SS18L1: variants seen among roughly 807,000 people sequenced by gnomAD.
The protein encoded by SS18L1 is calcium-responsive transactivator.
In SS18L1, 32 loss-of-function variants were observed where a neutral mutation model predicts 70.3. The observed-to-expected ratio is 0.46, with a 90% CI of 0.34 to 0.61. SS18L1 has a LOEUF of 0.61. SS18L1 is among the 20% of genes least tolerant of loss of function. SS18L1 has a pLI of 0.01. For synonymous variants in SS18L1, 237 were observed against 229.7 expected (o/e 1.03, Z -0.29); for missense variants, 430 against 542.1 (o/e 0.79, Z 2.05).
chr20:62,171,330 G>A (rs6062108), intron 8 of SS18L1, among the ~76,000 whole-genome samples: 26,071 of 152,134 alleles, frequency 0.17, 2,416 homozygotes, highest in South Asian at 0.27. Context: ...TTTCATGGGG[G>A]CAGGAGAAAG....
chr20:62,171,222 T>C (rs1221742379), intron 8 of SS18L1, among the ~76,000 whole-genome samples: 2 of 152,132 alleles, frequency 1.3e-5, no homozygotes, highest in African/African-American at 4.8e-5. Context: ...TCCTTTATTA[T>C]GTAAAGAATA....
In SS18L1 at chr20:62,161,156, C is replaced by G. The variant is rs374902063; in HGVS notation, c.232-280C>G. Among the ~76,000 whole-genome samples, 34 of 151,474 alleles carry G rather than the reference C, an allele frequency of 2.2e-4. 1 individual carries two copies. The East Asian group carries it at 5.4e-3, about 24-fold the overall frequency. On this transcript the variant is annotated intron_variant, in intron 3 of 10. Transcript: ENST00000331758. This position sits in a 1 kb window ranked among gnomAD's most constrained non-coding sequence, Gnocchi z 4.4. ...CCGGGAAAGGGGTTCCCTGCTGTCCCAGGAGGAGGTCCAGCTTTTCACACC... is the reference window on the plus strand; with the variant it reads ...CCGGGAAAGGGGTTCCCTGCTGTCCGAGGAGGAGGTCCAGCTTTTCACACC...
At chr20:62,164,848 C>T (rs536294310) in intron 7 of SS18L1, among the ~76,000 whole-genome samples, 16 of 152,272 alleles carry the variant, frequency 1.1e-4, no homozygotes, top group Non-Finnish European at 2.1e-4. Flanking sequence ...GAGCCATGAT[C>T]GCACCACCAC....
chr20:62,160,493 T>G (rs1347929423), intron 3 of SS18L1, among the ~76,000 whole-genome samples: 1 of 152,044 alleles, frequency 6.6e-6, no homozygotes, highest in African/African-American at 2.4e-5. Flanking sequence ...CTGCTGTGGG[T>G]GAGAACGGAA....
At position 62,174,550 on chromosome 20, in the gene SS18L1, G is replaced by C; in HGVS notation, c.1070G>C (p.Gly357Ala). The C allele has an allele frequency of 6.2e-7, 1 of 1,614,056 alleles. No homozygotes were observed. Among genetic ancestry groups the C allele is most frequent in the Non-Finnish European group, 8.5e-7 (1 of 1,180,040 alleles). ...SAQGAPSQYP[G>A]YQQGQGQQYG... is the part of the protein sequence containing the mutation. ...CAGGGAGCCCCGTCACAGTACCCCG[G>C]CTACCAGCAAGGCCAAGGCCAGCAG... The change falls in exon 10 of 11, where the codon GGC becomes GCC. Residue 357 changes from glycine (G) to alanine (A), a missense_variant. By Grantham distance (60) the Gly-to-Ala change is moderately conservative. Coordinates refer to ENST00000331758, the MANE Select transcript of SS18L1 (RefSeq NM_198935.3). The surrounding 1 kb of genome is among the most constrained non-coding windows in gnomAD (Gnocchi z 4.1).
Position 62,162,801 on chromosome 20 carries a change from C to T in SS18L1, c.426C>T (p.Thr142=), listed in dbSNP as rs748535141. ...AGACGGCGCCTAACACGCTGCCCAC[C>T]ACCTCCATGAGCATCTCTGGGCCCG... is the stretch of plus-strand genomic sequence containing the variant. The part of the protein sequence containing the change: ...MQQTAPNTLP[T]TSMSISGPGY... The change falls in exon 5 of 11, where the codon ACC becomes ACT. Residue 142 remains threonine (T), a synonymous_variant. Transcript: ENST00000331758. 12 of 1,612,784 alleles carry T rather than the reference C, an allele frequency of 7.4e-6. No homozygotes were observed. The highest frequency in any genetic ancestry group is 1.0e-5 in the Non-Finnish European group (12 of 1,179,936).
intron 8 of SS18L1, among the ~76,000 whole-genome samples, chr20:62,169,280 A>G (rs972353254): frequency 6.6e-6 from 1 of 152,198 alleles, no homozygotes; most frequent in Non-Finnish European, 1.5e-5. Context: ...GTGCCCTTGC[A>G]CACACGCACA....
At chr20:62,165,598 G>A (rs2057415069) in intron 8 of SS18L1, 84 bp downstream of exon 8, 11 of 1,305,270 alleles carry the variant, frequency 8.4e-6, no homozygotes, top group Non-Finnish European at 1.1e-5. Context: ...GGAGCACGCG[G>A]TGCCTGCCTT....
intron 5 of SS18L1, 22 bp from the exon 6 acceptor site, chr20:62,163,436 G>A (rs544736437): frequency 4.3e-6 from 7 of 1,611,436 alleles, no homozygotes; most frequent in East Asian, 2.2e-5. Context: ...GGGTGATGTG[G>A]GGCCTCTGTC....
chr20:62,178,703 C>T (rs1188829858), intron 10 of SS18L1, among the ~76,000 whole-genome samples: 2 of 152,246 alleles, frequency 1.3e-5, no homozygotes, highest in African/African-American at 4.8e-5. Context: ...CACGCCACCA[C>T]ACCCAGCTAA....
intron 5 of SS18L1, among the ~76,000 whole-genome samples, chr20:62,163,134 T>A (rs2057362416): frequency 6.6e-6 from 1 of 152,084 alleles, no homozygotes; most frequent in South Asian, 2.1e-4. Context: ...ACTCCTCCTG[T>A]CCCCCAGCTT....
chr20:62,160,111 C>T (rs912520067), intron 3 of SS18L1, 150 bp downstream of exon 3: 50 of 781,028 alleles, frequency 6.4e-5, no homozygotes, highest in Non-Finnish European at 9.4e-5. Context: ...GGAGTGTGGG[C>T]GGTGGTGACC....
chr20:62,176,451 T>C (rs2057621501), intron 10 of SS18L1, among the ~76,000 whole-genome samples: 1 of 152,152 alleles, frequency 6.6e-6, no homozygotes, highest in South Asian at 2.1e-4. Context: ...AGGTCGAGGC[T>C]GTAGTGAGTC....
chr20:62,149,241 GGGCCTGGGA>G (rs1394584424), intron 1 of SS18L1, among the ~76,000 whole-genome samples: 2 of 152,250 alleles, frequency 1.3e-5, no homozygotes, highest in East Asian at 1.9e-4. Context: ...AAGGCCTGTG[GGGCCTGGGA>G]GGCCTGGGAA....
intron 10 of SS18L1, among the ~76,000 whole-genome samples, chr20:62,175,599 A>T (rs1158810669): frequency 6.6e-6 from 1 of 152,154 alleles, no homozygotes; most frequent in Non-Finnish European, 1.5e-5. Context: ...CCTTAGCAGG[A>T]AGTGGCTCTG....
Position 62,158,545 on chromosome 20 carries a change from A to G in SS18L1, c.70-127A>G. On this transcript the variant is annotated intron_variant, in intron 1 of 10. Coordinates refer to ENST00000331758, the MANE Select transcript of SS18L1 (RefSeq NM_198935.3). This position sits in a 1 kb window ranked among gnomAD's most constrained non-coding sequence, Gnocchi z 4.5. Reference sequence around the variant, plus strand: ...ATATCCCCAAATCTGGAAAAATCTGAAATCTGACACGTTTCACGTAAGGGA... The same window carrying G: ...ATATCCCCAAATCTGGAAAAATCTGGAATCTGACACGTTTCACGTAAGGGA... 1 of 1,436,394 alleles carries G rather than the reference A, an allele frequency of 7.0e-7. No individual in the cohort carries two copies. Among genetic ancestry groups the G allele is most frequent in the Non-Finnish European group, 9.3e-7 (1 of 1,073,518 alleles). The allele number at this position is 1,436,394 out of a possible 1,614,324, so 89.0% of individuals were successfully genotyped here.
chr20:62,168,320 C>T (rs1007670547), intron 8 of SS18L1, among the ~76,000 whole-genome samples: 1 of 152,168 alleles, frequency 6.6e-6, no homozygotes, highest in South Asian at 2.1e-4. Context: ...TGACACTTTA[C>T]CCTACAGCAG....
chr20:62,167,246 T>C (rs889277181), intron 8 of SS18L1, among the ~76,000 whole-genome samples: 1 of 150,884 alleles, frequency 6.6e-6, no homozygotes. Flanking sequence ...GGTTTCATCA[T>C]GTTGGTCAGT....
chr20:62,181,074 A>T lies in SS18L1; in HGVS notation c.*1866A>T, dbSNP rs974133645. On this transcript the variant is annotated 3_prime_UTR_variant, in exon 11 of 11. Transcript: ENST00000331758. Reference sequence around the variant, plus strand: ...TTAGAGATGAAGAACTGAGGCACAGATTAAAGGACTTGCCTGTGTTGAATA... The same window carrying T: ...TTAGAGATGAAGAACTGAGGCACAGTTTAAAGGACTTGCCTGTGTTGAATA... 3 of 190,042 alleles carry T rather than the reference A, an allele frequency of 1.6e-5. No homozygotes were observed. Among genetic ancestry groups the T allele is most frequent in the African/African-American group, 7.0e-5 (3 of 42,894 alleles). The allele number at this position is 190,042 out of a possible 1,614,324, so 11.8% of individuals were successfully genotyped here.
Sources: gnomAD v4.1 joint callset for allele counts (sites outside exome capture counted in the v4.1 genomes callset) on GRCh38, gnomAD v4.1.1 for gene constraint, Gnocchi (gnomAD v3.1) non-coding constraint, MANE v1.5 for transcripts, NCBI Gene and HGNC (gene_info 2026-07-23, HGNC 2026-07-21) for gene names.